The following AUTS2 variants were observed in gnomAD, a reference collection of about 807,000 sequenced individuals.
AUTS2 encodes the protein activator of transcription and developmental regulator AUTS2.
A neutral mutation model predicts 112.4 loss-of-function variants in AUTS2; 17 were observed. That is an observed-to-expected ratio of 0.15 (90% confidence interval 0.10 to 0.23). AUTS2 has a LOEUF of 0.23. AUTS2 is among the 10% of genes least tolerant of loss of function. AUTS2 has a pLI of 1.00. For missense variants in AUTS2, 1,510 were observed against 1,701.6 expected, an observed-to-expected ratio of 0.89 and a Z score of 1.98; for synonymous variants, 751 against 702.7, an observed-to-expected ratio of 1.07 and a Z score of -1.09.
rs545571860 is a variant in AUTS2, at chr7:70,481,256, G to A, written c.690+45475G>A. On this transcript the variant is annotated intron_variant, in intron 5 of 18. Transcript: ENST00000342771. Reference sequence around the variant, plus strand: ...GAAAGCACAGTGCAGGGAGAAACCCGAAGGAGCAGGATTCTGTCTTCTGGA... The same window carrying A: ...GAAAGCACAGTGCAGGGAGAAACCCAAAGGAGCAGGATTCTGTCTTCTGGA... 1.1e-4 allele frequency among the ~76,000 whole-genome samples: 16 copies of A among 152,318 alleles called. No individual in the cohort carries two copies. In the South Asian group the frequency reaches 2.5e-3, roughly 24 times the overall value.
In AUTS2 at chr7:70,640,941, G is replaced by A. The variant is rs539577340; in HGVS notation, c.691-57628G>A. Among the ~76,000 whole-genome samples the A allele has an allele frequency of 5.9e-5, 9 of 152,096 alleles. 1 individual carries two copies. Among genetic ancestry groups the A allele is most frequent in the East Asian group, 1.9e-4 (1 of 5,174 alleles). ...GCCTCCCGGGCTTCTGATCTCCCCC[G>A]TTCCACATGGCAGCCAGTGTGGCCA... On this transcript the variant is annotated intron_variant, in intron 5 of 18. Transcript: ENST00000342771.
chr7:70,759,669 A>C (rs1789433781), intron 6 of AUTS2, among the ~76,000 whole-genome samples: 1 of 152,178 alleles, frequency 6.6e-6, no homozygotes, highest in Non-Finnish European at 1.5e-5. Flanking sequence ...CAGAGGAGAC[A>C]AGAAAGTCAA....
At chr7:70,377,139 G>A (rs939102283) in intron 4 of AUTS2, among the ~76,000 whole-genome samples, 1 of 151,176 alleles carries the variant, frequency 6.6e-6, no homozygotes. Context: ...CTGTAGTCCA[G>A]GGAATGTGCC....
chr7:70,780,964 C>G (rs1426435868), intron 14 of AUTS2, among the ~76,000 whole-genome samples: 1 of 152,066 alleles, frequency 6.6e-6, no homozygotes, highest in Admixed American at 6.5e-5. Context: ...TTATTTTAAA[C>G]CTTACTAAAA....
intron 5 of AUTS2, among the ~76,000 whole-genome samples, chr7:70,593,759 G>C (rs1359820561): frequency 6.6e-6 from 1 of 152,186 alleles, no homozygotes; most frequent in African/African-American, 2.4e-5. Context: ...AGTCCCCTTG[G>C]TGGGACCGGG....
intron 13 of AUTS2, among the ~76,000 whole-genome samples, chr7:70,776,083 T>A (rs1028075011): frequency 6.6e-6 from 1 of 152,202 alleles, no homozygotes; most frequent in Non-Finnish European, 1.5e-5. Flanking sequence ...GGTGAGGCAG[T>A]ATATTATTTG....
At chr7:69,996,751 T>C (rs923046413) in intron 2 of AUTS2, among the ~76,000 whole-genome samples, 1 of 151,060 alleles carries the variant, frequency 6.6e-6, no homozygotes, top group Non-Finnish European at 1.5e-5. Context: ...TAATAAATAC[T>C]CCCCTGCTAT....
At chr7:69,778,439 C>G (rs1788993911) in intron 1 of AUTS2, among the ~76,000 whole-genome samples, 1 of 151,590 alleles carries the variant, frequency 6.6e-6, no homozygotes, top group Admixed American at 6.6e-5. Context: ...CACTGTAGAC[C>G]ACTTAAATCA....
intron 4 of AUTS2, among the ~76,000 whole-genome samples, chr7:70,325,503 G>T (rs540995481): frequency 1.3e-5 from 2 of 151,990 alleles, no homozygotes; most frequent in African/African-American, 4.8e-5. Flanking sequence ...AGATATGGGC[G>T]TCACAATGGC....
intron 5 of AUTS2, among the ~76,000 whole-genome samples, chr7:70,459,399 G>T (rs1796871932): frequency 2.6e-5 from 4 of 152,174 alleles, no homozygotes; most frequent in Admixed American, 2.6e-4. Context: ...CTTTTTGTAA[G>T]CTGAGTGTGT....
chr7:70,790,885 CATCTCCACGCTG>C lies in AUTS2; in HGVS notation c.3670_3681del (p.Ile1224_Leu1227del). 1 of 1,600,388 alleles carries C rather than the reference CATCTCCACGCTG, an allele frequency of 6.2e-7. No homozygotes were observed. The highest frequency in any genetic ancestry group is 8.5e-7 in the Non-Finnish European group (1 of 1,172,918). On this transcript the variant is annotated inframe_deletion, in exon 19 of 19. Coordinates refer to ENST00000342771, the MANE Select transcript of AUTS2 (RefSeq NM_015570.4). This position sits in a 1 kb window ranked among gnomAD's most constrained non-coding sequence, Gnocchi z 7.6. ...CAGCGCTGAGCGCACCTCCCCCGCTCATCTCCACGCTGGGGGGCCGCCCGGTCTCTCCCAGAA... is the reference window on the plus strand; with the variant it reads ...CAGCGCTGAGCGCACCTCCCCCGCTCGGGGGCCGCCCGGTCTCTCCCAGAA...
chr7:70,749,354 G>C (rs1342481590), intron 6 of AUTS2, among the ~76,000 whole-genome samples: 1 of 152,102 alleles, frequency 6.6e-6, no homozygotes, highest in Non-Finnish European at 1.5e-5. Context: ...GGGCTGGGCG[G>C]CACGGGGAGG....
intron 4 of AUTS2, among the ~76,000 whole-genome samples, chr7:70,388,412 A>G (rs1414655866): frequency 6.6e-6 from 1 of 152,184 alleles, no homozygotes; most frequent in African/African-American, 2.4e-5. Flanking sequence ...CAGTGAATGA[A>G]TTTTTTAACT....
intron 6 of AUTS2, among the ~76,000 whole-genome samples, chr7:70,759,153 T>C (rs971010674): frequency 6.6e-6 from 1 of 152,224 alleles, no homozygotes; most frequent in African/African-American, 2.4e-5. Flanking sequence ...GATTTATCAT[T>C]ACCTGCTTTG....
At chr7:70,412,358 T>C (rs1430931872) in intron 4 of AUTS2, among the ~76,000 whole-genome samples, 1 of 152,160 alleles carries the variant, frequency 6.6e-6, no homozygotes, top group Non-Finnish European at 1.5e-5. Flanking sequence ...TTTGGGAAAG[T>C]AAAGAATGCC....
chr7:70,490,555 A>G (rs2116400369), intron 5 of AUTS2, among the ~76,000 whole-genome samples: 1 of 152,236 alleles, frequency 6.6e-6, no homozygotes, highest in Admixed American at 6.5e-5. Context: ...ACCCTATACC[A>G]GCAGAGTTCC....
At chr7:70,433,164 C>T (rs746058681) in intron 4 of AUTS2, among the ~76,000 whole-genome samples, 151 of 152,294 alleles carry the variant, frequency 9.9e-4, no homozygotes, top group Non-Finnish European at 1.4e-3. Flanking sequence ...AAGCAGGAAG[C>T]TTAACACTTT....
intron 5 of AUTS2, among the ~76,000 whole-genome samples, chr7:70,573,549 C>T (rs544399391): frequency 3.3e-5 from 5 of 152,134 alleles, no homozygotes; most frequent in East Asian, 1.9e-4. Flanking sequence ...GCAAAGCAGA[C>T]GCAACATTGT....
At chr7:70,456,996 C>A (rs909166173) in intron 5 of AUTS2, among the ~76,000 whole-genome samples, 1 of 152,194 alleles carries the variant, frequency 6.6e-6, no homozygotes, top group East Asian at 1.9e-4. Context: ...ATCTCCACCC[C>A]CAAGCAGGTG....
Sources: allele counts gnomAD v4.1 joint callset (sites outside exome capture counted in the v4.1 genomes callset), GRCh38; gene constraint gnomAD v4.1.1; non-coding constraint Gnocchi (gnomAD v3.1); transcripts MANE v1.5; gene names NCBI Gene and HGNC (gene_info 2026-07-23, HGNC 2026-07-21).